Variants in LHPP observed in about 807,000 individuals in gnomAD.
The protein encoded by LHPP is phospholysine phosphohistidine inorganic pyrophosphate phosphatase, also known as hLHPP.
In LHPP, 24 loss-of-function variants were observed where a neutral mutation model predicts 30.3. That is an observed-to-expected ratio of 0.79 (90% CI 0.57 to 1.11). The LOEUF (loss-of-function observed/expected upper bound fraction) is 1.11. LHPP is among the 50% of genes most tolerant of loss of function. LHPP has a pLI of 0.00. For synonymous variants in LHPP, 150 were observed against 157.1 expected (o/e 0.95, Z 0.34); for missense variants, 356 against 367.2 (o/e 0.97, Z 0.25).
rs1054304732 is a variant in LHPP, at chr10:124,478,358, A to T, written c.126-5781A>T. ...TCTGGGTCACACGAAGGTGACCAGT[A>T]CCGGGGCTAGAGGGCAGGGGGCCCA... is the stretch of plus-strand genomic sequence containing the variant. On this transcript the variant is annotated intron_variant, in intron 1 of 6. Coordinates refer to ENST00000368842, the MANE Select transcript of LHPP (RefSeq NM_022126.4). This position sits in a 1 kb window ranked among gnomAD's most constrained non-coding sequence, Gnocchi z 4.7. Among the ~76,000 whole-genome samples the T allele has an allele frequency of 6.6e-6, 1 of 152,158 alleles. No homozygotes were observed. Among genetic ancestry groups the T allele is most frequent in the African/African-American group, 2.4e-5 (1 of 41,452 alleles).
At chr10:124,499,298 G>A (rs1414130206) in intron 5 of LHPP, among the ~76,000 whole-genome samples, 1 of 147,790 alleles carries the variant, frequency 6.8e-6, no homozygotes, top group Non-Finnish European at 1.5e-5. Flanking sequence ...GGGATTACAG[G>A]CATGAGCCAC....
rs767125117 is a variant in LHPP at position 124,484,358 on chromosome 10, G to A, written c.313+32G>A. 12 of 1,590,024 alleles carry A rather than the reference G, an allele frequency of 7.5e-6. No individual in the cohort carries two copies. The South Asian group carries it at 1.0e-4, about 13-fold the overall frequency. On this transcript the variant is annotated intron_variant, in intron 2 of 6. Coordinates refer to ENST00000368842, the MANE Select transcript of LHPP (RefSeq NM_022126.4). ...CTGTCGGACACCAGGACCTCACGGG[G>A]GTGAAAGCTCCCCTTTCCCAGGGTG...
At chr10:124,546,466 G>A (rs1250182608) in intron 6 of LHPP, among the ~76,000 whole-genome samples, 8 of 152,120 alleles carry the variant, frequency 5.3e-5, no homozygotes, top group East Asian at 1.9e-4. Context: ...GCAGTGGCGC[G>A]ATCTCGGCTC....
At chr10:124,585,657 C>A (rs1948795977) in intron 6 of LHPP, among the ~76,000 whole-genome samples, 1 of 151,926 alleles carries the variant, frequency 6.6e-6, no homozygotes, top group South Asian at 2.1e-4. Context: ...AGATAAGGAG[C>A]CTTGCTGTGT....
chr10:124,490,564 CT>C, intron 3 of LHPP: 1 of 319,898 alleles, frequency 3.1e-6, no homozygotes. Context: ...TCTGGTTCTT[CT>C]TAGGCATCAA....
chr10:124,495,598 G>T (rs1300566243), intron 3 of LHPP, among the ~76,000 whole-genome samples: 4 of 152,164 alleles, frequency 2.6e-5, no homozygotes, highest in Non-Finnish European at 5.9e-5. Context: ...GGCGGAGCTG[G>T]AGGAAGGGCA....
intron 5 of LHPP, among the ~76,000 whole-genome samples, chr10:124,508,188 G>T (rs1954207787): frequency 6.6e-6 from 1 of 152,058 alleles, no homozygotes. Flanking sequence ...TTCTGCTGTG[G>T]CCTCCCTCCC....
intron 5 of LHPP, among the ~76,000 whole-genome samples, chr10:124,499,684 C>T (rs1393272333): frequency 1.3e-5 from 2 of 151,900 alleles, no homozygotes; most frequent in African/African-American, 4.9e-5. Flanking sequence ...ACAGAGTCCA[C>T]AGCTGCCCCA....
At chr10:124,482,586 C>T (rs1023753560) in intron 1 of LHPP, among the ~76,000 whole-genome samples, 8 of 152,070 alleles carry the variant, frequency 5.3e-5, no homozygotes, top group African/African-American at 4.8e-5. Context: ...GTGATCTTGG[C>T]GAGGGAGCCA....
Position 124,510,913 on chromosome 10 carries a change from T to C in LHPP, c.625-6267T>C, listed in dbSNP as rs1954280520. Among the ~76,000 whole-genome samples the C allele has an allele frequency of 6.6e-6, 1 of 152,064 alleles. No homozygotes were observed. Among genetic ancestry groups the C allele is most frequent in the African/African-American group, 2.4e-5 (1 of 41,388 alleles). On this transcript the variant is annotated intron_variant, in intron 5 of 6. Transcript: ENST00000368842. This position sits in a 1 kb window ranked among gnomAD's most constrained non-coding sequence, Gnocchi z 4.0. The stretch of plus-strand genomic sequence containing the variant: ...GCCAGATGCCAGCAGCCGTGGGGGC[T>C]TGCCCGGCCAGCCCTGGCTTTTCCC...
chr10:124,514,603 G>C (rs1954399360), intron 5 of LHPP, among the ~76,000 whole-genome samples: 1 of 152,126 alleles, frequency 6.6e-6, no homozygotes, highest in Admixed American at 6.5e-5. Context: ...TTGTCTGACT[G>C]TTTTATAAGA....
At chr10:124,607,468 C>T (rs990184942) in intron 6 of LHPP, among the ~76,000 whole-genome samples, 1 of 152,260 alleles carries the variant, frequency 6.6e-6, no homozygotes, top group Non-Finnish European at 1.5e-5. Context: ...TTAGTGGATT[C>T]TTGAATTTAA....
At chr10:124,601,937 G>GCATGCACTCC (rs1564848740) in intron 6 of LHPP, among the ~76,000 whole-genome samples, 1 of 151,996 alleles carries the variant, frequency 6.6e-6, no homozygotes, top group East Asian at 1.9e-4. Flanking sequence ...GCGTGCACTC[G>GCATGCACTCC]CAGCATGCAC....
chr10:124,558,487 G>T (rs973051706), intron 6 of LHPP, among the ~76,000 whole-genome samples: 3 of 152,234 alleles, frequency 2.0e-5, no homozygotes, highest in Admixed American at 1.3e-4. Flanking sequence ...CCCGCTTGGC[G>T]TTGGAGCGTC....
At chr10:124,473,722 G>A (rs1952858592) in intron 1 of LHPP, among the ~76,000 whole-genome samples, 2 of 152,186 alleles carry the variant, frequency 1.3e-5, no homozygotes, top group South Asian at 2.1e-4. Context: ...GGAGGCCGAG[G>A]CAAGTGGATC....
Position 124,461,834 on chromosome 10 carries a change from C to CGCGGAGCT in LHPP, c.-27_-20dup, listed in dbSNP as rs908788222. On this transcript the variant is annotated 5_prime_UTR_variant, in exon 1 of 7. Coordinates refer to ENST00000368842, the MANE Select transcript of LHPP (RefSeq NM_022126.4). Reference sequence around the variant, plus strand: ...GCGCCGGCGCCGGCGTCGGTTGGGACGCGGAGCTGAGGAGCAGGGCCGGGC... The same window carrying CGCGGAGCT: ...GCGCCGGCGCCGGCGTCGGTTGGGACGCGGAGCTGCGGAGCTGAGGAGCAGGGCCGGGC... 8 of 1,229,436 alleles carry CGCGGAGCT rather than the reference C, an allele frequency of 6.5e-6. No homozygotes were observed. Among genetic ancestry groups the CGCGGAGCT allele is most frequent in the Non-Finnish European group, 8.1e-6 (8 of 983,076 alleles). 76.2% of individuals were successfully genotyped at this position (1,229,436 alleles called of 1,614,324 possible).
At chr10:124,584,335 G>A (rs559155675) in intron 6 of LHPP, among the ~76,000 whole-genome samples, 40 of 147,602 alleles carry the variant, frequency 2.7e-4, no homozygotes, top group Non-Finnish European at 4.9e-4. Flanking sequence ...TTGCATTCCA[G>A]CCTGGGCAAC....
At chr10:124,463,681 A>AT (rs34624587) in intron 1 of LHPP, among the ~76,000 whole-genome samples, 94,569 of 149,316 alleles carry the variant, frequency 0.63, 31,172 homozygotes, top group East Asian at 0.87. Flanking sequence ...TCTTTGTATA[A>AT]TTTTTTTTTT....
At chr10:124,560,901 G>A (rs1948385160) in intron 6 of LHPP, among the ~76,000 whole-genome samples, 1 of 152,202 alleles carries the variant, frequency 6.6e-6, no homozygotes, top group Non-Finnish European at 1.5e-5. Flanking sequence ...TCCACTTCCA[G>A]CAAGATGGAG....
Sources: allele counts gnomAD v4.1 joint callset (sites outside exome capture counted in the v4.1 genomes callset), GRCh38; gene constraint gnomAD v4.1.1; non-coding constraint Gnocchi (gnomAD v3.1); transcripts MANE v1.5; gene names NCBI Gene and HGNC (gene_info 2026-07-23, HGNC 2026-07-21).